ABLIM3: variants seen among roughly 807,000 people sequenced by gnomAD.
The protein encoded by ABLIM3 is actin-binding LIM protein 3.
In ABLIM3, 61 loss-of-function variants were observed where a neutral mutation model predicts 109.5. That is an observed-to-expected ratio of 0.56 (90% CI 0.45 to 0.69). The LOEUF (loss-of-function observed/expected upper bound fraction) is 0.69. Ranked by LOEUF, ABLIM3 falls within the 30% of genes least tolerant of loss-of-function variation. The pLI is 0.00. For synonymous variants in ABLIM3, 300 were observed against 324.8 expected, an observed-to-expected ratio of 0.92 and a Z score of 0.82; for missense variants, 796 against 889.5, an observed-to-expected ratio of 0.89 and a Z score of 1.34.
chr5:149,205,620 CA>C (rs544884462), intron 5 of ABLIM3, among the ~76,000 whole-genome samples: 18 of 152,196 alleles, frequency 1.2e-4, no homozygotes, highest in African/African-American at 4.3e-4. Flanking sequence ...AATTATTGGG[CA>C]GGGGGTGCAA....
intron 5 of ABLIM3, among the ~76,000 whole-genome samples, chr5:149,205,037 G>A (rs749222356): frequency 1.2e-4 from 18 of 152,168 alleles, no homozygotes; most frequent in Non-Finnish European, 2.6e-4. Context: ...TTTCTCCATG[G>A]AATCCACAAG....
chr5:149,217,551 G>T (rs755047763), intron 8 of ABLIM3: 1 of 159,480 alleles, frequency 6.3e-6, no homozygotes, highest in Non-Finnish European at 1.4e-5. Context: ...AAGCTAACCA[G>T]GGCTGCTTTC....
At chr5:149,189,173 C>G (rs77960984) in intron 3 of ABLIM3, among the ~76,000 whole-genome samples, 7,593 of 152,182 alleles carry the variant, frequency 0.05, 578 homozygotes, top group African/African-American at 0.17. Flanking sequence ...AATGAATTCA[C>G]ACTCTTTCTT....
At chr5:149,201,799 C>T (rs187448306) in intron 5 of ABLIM3, among the ~76,000 whole-genome samples, 4 of 152,190 alleles carry the variant, frequency 2.6e-5, no homozygotes, top group East Asian at 1.9e-4. Context: ...TGAGGACCTC[C>T]GAGACTGATG....
At chr5:149,241,814 A>G (rs541451753) in intron 14 of ABLIM3, among the ~76,000 whole-genome samples, 1 of 152,190 alleles carries the variant, frequency 6.6e-6, no homozygotes, top group African/African-American at 2.4e-5. Context: ...AAGACATCCC[A>G]GGCAGAGGGA....
intron 7 of ABLIM3, among the ~76,000 whole-genome samples, chr5:149,215,653 C>T (rs1464492416): frequency 6.6e-6 from 1 of 152,218 alleles, no homozygotes; most frequent in African/African-American, 2.4e-5. Flanking sequence ...TTAAGAACCC[C>T]TAACATCCAT....
At chr5:149,215,100 A>G (rs1242128672) in intron 7 of ABLIM3, among the ~76,000 whole-genome samples, 2 of 152,182 alleles carry the variant, frequency 1.3e-5, no homozygotes, top group African/African-American at 4.8e-5. Context: ...AGCCTCTTTC[A>G]GCTGGGGTGA....
At chr5:149,257,314 A>G (rs1200805996) in intron 23 of ABLIM3, among the ~76,000 whole-genome samples, 1 of 151,782 alleles carries the variant, frequency 6.6e-6, no homozygotes, top group Non-Finnish European at 1.5e-5. Flanking sequence ...AAAAAAAAAA[A>G]TAGTTCACAG....
At position 149,142,061 on chromosome 5, in the gene ABLIM3, G is replaced by T; in HGVS notation, c.-35G>T. The T allele has an allele frequency of 3.3e-6, 5 of 1,510,566 alleles. No homozygotes were observed. The highest frequency in any genetic ancestry group is 4.5e-6 in the Non-Finnish European group (5 of 1,114,878). 93.6% of individuals were successfully genotyped at this position (1,510,566 alleles called of 1,614,324 possible). A position where few individuals can be genotyped will look rare whatever the true frequency, so the allele number is the denominator to read the frequency against. The stretch of plus-strand genomic sequence containing the variant: ...GATTTAAAAAGCAGCCGGGGCCTCC[G>T]TATTGAATGAAAGACCCAGTGCAAA... On this transcript the variant is annotated 5_prime_UTR_variant, in exon 2 of 24. Transcript: ENST00000309868.
rs1020395128 is a variant in ABLIM3 at position 149,240,662 on chromosome 5, C to T, written c.1205-14C>T. ...CCTCTGTTTTCTTTGGCGACCACTTCCTGCGTGCTCCAGGGCCCGAGAGTG... is the reference window on the plus strand; with the variant it reads ...CCTCTGTTTTCTTTGGCGACCACTTTCTGCGTGCTCCAGGGCCCGAGAGTG... On this transcript the variant is annotated splice_polypyrimidine_tract_variant and intron_variant, in intron 13 of 23. Coordinates refer to ENST00000309868, the MANE Select transcript of ABLIM3 (RefSeq NM_014945.5). The T allele has an allele frequency of 1.9e-6, 3 of 1,610,322 alleles. No homozygotes were observed. The highest frequency in any genetic ancestry group is 2.7e-5 in the African/African-American group (2 of 74,954).
Position 149,259,669 on chromosome 5 carries a change from A to G in ABLIM3, c.*1265A>G. ...CTGCTCGCCTCCCTGAACAGGGGAGAAAGCTTAACCTCTCTTCTCCTCTCC... is the reference window on the plus strand; with the variant it reads ...CTGCTCGCCTCCCTGAACAGGGGAGGAAGCTTAACCTCTCTTCTCCTCTCC... On this transcript the variant is annotated 3_prime_UTR_variant, in exon 24 of 24. Coordinates refer to ENST00000309868, the MANE Select transcript of ABLIM3 (RefSeq NM_014945.5). 1 of 1,360,814 alleles carries G rather than the reference A, an allele frequency of 7.3e-7. No individual in the cohort carries two copies. Among genetic ancestry groups the G allele is most frequent in the Non-Finnish European group, 1.0e-6 (1 of 987,376 alleles). 84.3% of individuals were successfully genotyped at this position (1,360,814 alleles called of 1,614,324 possible). A position where few individuals can be genotyped will look rare whatever the true frequency, so the allele number is the denominator to read the frequency against.
At chr5:149,237,363 C>G in intron 10 of ABLIM3, 85 bp from the exon 11 acceptor site, 1 of 1,389,118 alleles carries the variant, frequency 7.2e-7, no homozygotes, top group Non-Finnish European at 9.9e-7. Flanking sequence ...TTTGTTCCTT[C>G]TGTATCTTGT....
chr5:149,166,519 G>A (rs996018913), intron 2 of ABLIM3, among the ~76,000 whole-genome samples: 1 of 152,204 alleles, frequency 6.6e-6, no homozygotes, highest in African/African-American at 2.4e-5. Context: ...AAGTCTCCCA[G>A]TATGTTAGAG....
At chr5:149,186,329 G>A (rs751694473) in intron 3 of ABLIM3, among the ~76,000 whole-genome samples, 4 of 152,136 alleles carry the variant, frequency 2.6e-5, no homozygotes, top group South Asian at 4.2e-4. Flanking sequence ...CAGGAGAATC[G>A]CTTGAAGCCG....
chr5:149,216,151 T>TA (rs1760057433), intron 7 of ABLIM3, among the ~76,000 whole-genome samples: 1 of 152,168 alleles, frequency 6.6e-6, no homozygotes. Context: ...CAGTGGGTCC[T>TA]AAATCACCCA....
chr5:149,164,568 T>C (rs1168346455), intron 2 of ABLIM3, among the ~76,000 whole-genome samples: 2 of 152,092 alleles, frequency 1.3e-5, no homozygotes, highest in Non-Finnish European at 2.9e-5. Context: ...ACCCCCTGAG[T>C]CAAAAACCCT....
rs1186151045 is a variant in ABLIM3, at chr5:149,141,805, C to A, written c.-88+151C>A. On this transcript the variant is annotated intron_variant, in intron 1 of 23. Transcript: ENST00000309868. ...GCGCGAGCAGGCGCTGCCAACCCCA[C>A]TTCTGCCCGGGATTCCAATCTGAGG... 1.2e-5 allele frequency: 6 copies of A among 496,872 alleles called. No homozygotes were observed. In the Admixed American group the frequency reaches 2.1e-4, roughly 18 times the overall value. 30.8% of individuals were successfully genotyped at this position (496,872 alleles called of 1,614,324 possible). A position where few individuals can be genotyped will look rare whatever the true frequency, so the allele number is the denominator to read the frequency against.
At chr5:149,168,444 C>G (rs9325132) in intron 2 of ABLIM3, among the ~76,000 whole-genome samples, 1 of 151,980 alleles carries the variant, frequency 6.6e-6, no homozygotes, top group Admixed American at 6.6e-5. Context: ...TCGGAAGACA[C>G]GACGGAGTGA....
At chr5:149,204,425 A>C (rs1758774037) in intron 5 of ABLIM3, among the ~76,000 whole-genome samples, 1 of 152,182 alleles carries the variant, frequency 6.6e-6, no homozygotes, top group Non-Finnish European at 1.5e-5. Flanking sequence ...AGGAGGAAGA[A>C]GAGGGCGAAA....
Sources: allele counts gnomAD v4.1 joint callset (sites outside exome capture counted in the v4.1 genomes callset), GRCh38; gene constraint gnomAD v4.1.1; transcripts MANE v1.5; gene names NCBI Gene and HGNC (gene_info 2026-07-23, HGNC 2026-07-21).